The following CRTC1 variants were observed in gnomAD, a reference collection of about 807,000 sequenced individuals.
The protein encoded by CRTC1 is CREB regulated transcription coactivator 1.
CRTC1 carries 18 observed loss-of-function variants against 66.1 expected under a neutral mutation model. The observed-to-expected ratio is 0.27, with a 90% CI of 0.19 to 0.40. The LOEUF is 0.40. Ranked by LOEUF, CRTC1 falls within the 10% of genes least tolerant of loss-of-function variation. CRTC1 has a pLI of 1.00. For missense variants in CRTC1, 669 were observed against 887.9 expected (o/e 0.75, Z 3.13); for synonymous variants, 416 against 398.8 (o/e 1.04, Z -0.51).
chr19:18,701,916 C>T (rs1313166815), intron 1 of CRTC1, among the ~76,000 whole-genome samples: 2 of 148,134 alleles, frequency 1.4e-5, no homozygotes, highest in East Asian at 4.0e-4. Flanking sequence ...CCGCGCCCAC[C>T]GTTTTGTTTT....
chr19:18,751,886 G>C (rs150762926), intron 5 of CRTC1, among the ~76,000 whole-genome samples: 4 of 152,128 alleles, frequency 2.6e-5, no homozygotes, highest in African/African-American at 9.7e-5. Context: ...AGGGCCAGGC[G>C]CGGTGGGTCA....
Position 18,766,698 on chromosome 19 carries a change from C to T in CRTC1, c.1011+1170C>T, listed in dbSNP as rs1266664415. Among the ~76,000 whole-genome samples the T allele has an allele frequency of 2.6e-5, 4 of 152,162 alleles. No homozygotes were observed. The South Asian group carries it at 6.2e-4, about 24-fold the overall frequency. On this transcript the variant is annotated intron_variant, in intron 9 of 13. Coordinates refer to ENST00000321949, the MANE Select transcript of CRTC1 (RefSeq NM_015321.3). ...CTGGCCTCAGGCAATCTGCCCACCTCGGCCTCCCAAAGTGCTGGGACTATA... is the reference window on the plus strand; with the variant it reads ...CTGGCCTCAGGCAATCTGCCCACCTTGGCCTCCCAAAGTGCTGGGACTATA...
At chr19:18,688,525 G>A (rs1309893562) in intron 1 of CRTC1, among the ~76,000 whole-genome samples, 1 of 151,880 alleles carries the variant, frequency 6.6e-6, no homozygotes, top group Non-Finnish European at 1.5e-5. Flanking sequence ...TGCAACCTCC[G>A]CCTCCTGGGT....
At chr19:18,702,819 A>G (rs1272260208) in intron 1 of CRTC1, among the ~76,000 whole-genome samples, 2 of 152,042 alleles carry the variant, frequency 1.3e-5, no homozygotes, top group Non-Finnish European at 2.9e-5. Flanking sequence ...CACAGGAGAT[A>G]GTCTCTTAGA....
At chr19:18,742,135 CTG>C in intron 1 of CRTC1, among the ~76,000 whole-genome samples, 1 of 152,302 alleles carries the variant, frequency 6.6e-6, no homozygotes, top group East Asian at 1.9e-4. Flanking sequence ...TCAGGGGCCT[CTG>C]TTACTGGCAA....
chr19:18,768,053 TC>T lies in CRTC1; in HGVS notation c.1012-428del, dbSNP rs775018635. Among the ~76,000 whole-genome samples, 4 of 149,640 alleles carry T rather than the reference TC, an allele frequency of 2.7e-5. No individual in the cohort carries two copies. Among genetic ancestry groups the T allele is most frequent in the Non-Finnish European group, 4.5e-5 (3 of 67,220 alleles). On this transcript the variant is annotated intron_variant, in intron 9 of 13. Transcript: ENST00000321949. This position sits in a 1 kb window ranked among gnomAD's most constrained non-coding sequence, Gnocchi z 5.6. ...TCCAGCAACCCCAGCCTCTCCAGCA[TC>T]CCCAGAGTGGGCAAGGCTTTGGGCG...
chr19:18,690,021 G>A (rs1157850902), intron 1 of CRTC1, among the ~76,000 whole-genome samples: 14 of 151,024 alleles, frequency 9.3e-5, no homozygotes, highest in African/African-American at 3.2e-4. Context: ...GTGACAGAGC[G>A]GGTGGATTTG....
Position 18,760,352 on chromosome 19 carries a change from C to T in CRTC1, c.886+124C>T, listed in dbSNP as rs1160056738. The stretch of plus-strand genomic sequence containing the variant: ...GGGCATGGGGGACAGGGCTGGGGGG[C>T]GGCCGACAGGCTGACCCAGCGGGCA... On this transcript the variant is annotated intron_variant, in intron 8 of 13. Coordinates refer to ENST00000321949, the MANE Select transcript of CRTC1 (RefSeq NM_015321.3). This position sits in a 1 kb window ranked among gnomAD's most constrained non-coding sequence, Gnocchi z 6.2. 56 of 842,284 alleles carry T rather than the reference C, an allele frequency of 6.6e-5. No homozygotes were observed. In the South Asian group the frequency reaches 7.1e-4, roughly 11 times the overall value. The allele number at this position is 842,284 out of a possible 1,614,324, so 52.2% of individuals were successfully genotyped here.
chr19:18,733,394 T>A (rs1263676336), intron 1 of CRTC1, among the ~76,000 whole-genome samples: 3 of 152,182 alleles, frequency 2.0e-5, no homozygotes, highest in Admixed American at 6.5e-5. Flanking sequence ...CAAAACGTGC[T>A]CACGGCAGAC....
intron 2 of CRTC1, 33 bp from the exon 3 acceptor site, chr19:18,745,790 C>T: frequency 6.2e-7 from 1 of 1,610,598 alleles, no homozygotes; most frequent in South Asian, 1.1e-5. Flanking sequence ...GTTTGGATTT[C>T]TCTCTCTCTG....
chr19:18,738,390 C>T lies in CRTC1; in HGVS notation c.127-4520C>T, dbSNP rs933669796. Among the ~76,000 whole-genome samples the T allele has an allele frequency of 6.6e-5, 10 of 152,112 alleles. No homozygotes were observed. In the South Asian group the frequency reaches 8.3e-4, roughly 13 times the overall value. On this transcript the variant is annotated intron_variant, in intron 1 of 13. Transcript: ENST00000321949. Reference sequence around the variant, plus strand: ...AAAAAATTATACTTGGATTTTTGGCCGCATGAGGGTCAGCTCCCCAATCCC... The same window carrying T: ...AAAAAATTATACTTGGATTTTTGGCTGCATGAGGGTCAGCTCCCCAATCCC...
intron 1 of CRTC1, among the ~76,000 whole-genome samples, chr19:18,739,259 T>A (rs1201821126): frequency 6.6e-6 from 1 of 152,228 alleles, no homozygotes; most frequent in Non-Finnish European, 1.5e-5. Flanking sequence ...CCCGAGCCTC[T>A]GTGTAGGGCA....
chr19:18,781,876 C>T lies in CRTC1; in HGVS notation c.*4494C>T, dbSNP rs1456682681. On this transcript the variant is annotated 3_prime_UTR_variant, in exon 14 of 14. Transcript: ENST00000321949. ...TGGGGTCGGGGGATGGCCCCCATCT[C>T]GAAGTGTTCTGGAATTTGGGGGCAA... 1.3e-5 allele frequency: 3 copies of T among 230,548 alleles called. No individual in the cohort carries two copies. The highest frequency in any genetic ancestry group is 1.3e-3 in the Middle Eastern group (1 of 800). The allele number at this position is 230,548 out of a possible 1,614,324, so 14.3% of individuals were successfully genotyped here. A position where few individuals can be genotyped will look rare whatever the true frequency, so the allele number is the denominator to read the frequency against.
intron 1 of CRTC1, among the ~76,000 whole-genome samples, chr19:18,737,788 G>A (rs1161871618): frequency 1.5e-5 from 2 of 130,256 alleles, no homozygotes. Context: ...TCCTCAGCCA[G>A]CTCTACGTGA....
At chr19:18,750,033 G>C (rs1453271519) in intron 5 of CRTC1, among the ~76,000 whole-genome samples, 158 bp downstream of exon 5, 1 of 152,202 alleles carries the variant, frequency 6.6e-6, no homozygotes. Context: ...AACTTTCAGA[G>C]GTGGTGCTAC....
Position 18,771,998 on chromosome 19 carries a change from G to A in CRTC1, c.1425+452G>A, listed in dbSNP as rs1055791153. 1.3e-5 allele frequency among the ~76,000 whole-genome samples: 2 copies of A among 152,174 alleles called. No individual in the cohort carries two copies. Among genetic ancestry groups the A allele is most frequent in the East Asian group, 1.9e-4 (1 of 5,188 alleles). On this transcript the variant is annotated intron_variant, in intron 11 of 13. Coordinates refer to ENST00000321949, the MANE Select transcript of CRTC1 (RefSeq NM_015321.3). This position sits in a 1 kb window ranked among gnomAD's most constrained non-coding sequence, Gnocchi z 4.6. Reference sequence around the variant, plus strand: ...GCCCTGCTTTCCCCTTCACCCCATAGGCAGCTGTGTTTCTCCAGAACCACT... The same window carrying A: ...GCCCTGCTTTCCCCTTCACCCCATAAGCAGCTGTGTTTCTCCAGAACCACT...
intron 1 of CRTC1, among the ~76,000 whole-genome samples, chr19:18,737,260 G>T (rs1045416619): frequency 6.6e-6 from 1 of 151,512 alleles, no homozygotes; most frequent in Admixed American, 6.6e-5. Context: ...GGGTCAGGTG[G>T]GGGGGTAGGA....
chr19:18,686,220 C>G (rs2052680523), intron 1 of CRTC1, among the ~76,000 whole-genome samples: 1 of 152,202 alleles, frequency 6.6e-6, no homozygotes, highest in African/African-American at 2.4e-5. Context: ...TGGCATCTTT[C>G]ACTCAGCGTC....
At chr19:18,730,293 TG>T (rs1659023581) in intron 1 of CRTC1, among the ~76,000 whole-genome samples, 1 of 152,084 alleles carries the variant, frequency 6.6e-6, no homozygotes, top group Admixed American at 6.5e-5. Flanking sequence ...CTGCCTCCCC[TG>T]GATCTGCTGG....
Sources: gnomAD v4.1 joint callset for allele counts (sites outside exome capture counted in the v4.1 genomes callset) on GRCh38, gnomAD v4.1.1 for gene constraint, Gnocchi (gnomAD v3.1) non-coding constraint, MANE v1.5 for transcripts, NCBI Gene and HGNC (gene_info 2026-07-23, HGNC 2026-07-21) for gene names.